Variants in ARHGEF17 observed in about 807,000 individuals in gnomAD.
The protein encoded by ARHGEF17 is Rho guanine nucleotide exchange factor 17.
Under a neutral mutation model 174.0 loss-of-function variants are expected in ARHGEF17, and 80 were observed. The ratio of observed to expected loss-of-function variants is 0.46; its 90% CI spans 0.38 to 0.55. The LOEUF is 0.55. ARHGEF17 is among the 20% of genes least tolerant of loss of function. ARHGEF17 has a pLI of 0.00. For synonymous variants in ARHGEF17, 1,311 were observed against 1,189.1 expected, an observed-to-expected ratio of 1.10 and a Z score of -2.11; for missense variants, 2,886 against 2,839.7, an observed-to-expected ratio of 1.02 and a Z score of -0.37.
chr11:73,325,878 C>T (rs73542431), intron 1 of ARHGEF17, among the ~76,000 whole-genome samples: 7,267 of 152,322 alleles, frequency 0.048, 603 homozygotes, highest in African/African-American at 0.17. Context: ...GGGAGCAGAC[C>T]TTGCTCCCAT....
intron 1 of ARHGEF17, among the ~76,000 whole-genome samples, chr11:73,331,923 G>A (rs1349681938): frequency 2.0e-5 from 3 of 152,176 alleles, no homozygotes; most frequent in Non-Finnish European, 4.4e-5. Context: ...AGAGACTGAG[G>A]GGTCCAGCCC....
chr11:73,310,398 TCCAGGA>T lies in ARHGEF17; in HGVS notation c.1764_1769del (p.Asp589_Gln590del). On this transcript the variant is annotated inframe_deletion, in exon 1 of 21. Transcript: ENST00000263674. Reference sequence around the variant, plus strand: ...GAGGAGGATCCGCTGCCCCTCATCGTCCAGGACCAATATGTGCAGGAGGCCCGCCAG... The same window carrying T: ...GAGGAGGATCCGCTGCCCCTCATCGTCCAATATGTGCAGGAGGCCCGCCAG... 6.2e-7 allele frequency: 1 copy of T among 1,613,946 alleles called. No homozygotes were observed. The highest frequency in any genetic ancestry group is 1.1e-5 in the South Asian group (1 of 91,078).
chr11:73,335,584 T>A (rs1865273970), intron 1 of ARHGEF17, among the ~76,000 whole-genome samples: 1 of 151,494 alleles, frequency 6.6e-6, no homozygotes, highest in African/African-American at 2.4e-5. Context: ...AACCCACCAG[T>A]TAAATTCAAA....
intron 6 of ARHGEF17, 83 bp from the exon 7 acceptor site, chr11:73,356,626 G>A (rs1468177823): frequency 1.3e-5 from 20 of 1,565,000 alleles, no homozygotes; most frequent in Non-Finnish European, 1.7e-5. Flanking sequence ...CCATGGAGTG[G>A]GGCCGAGGGA....
At position 73,309,139 on chromosome 11, in the gene ARHGEF17, G is replaced by A. The variant is rs746750176; in HGVS notation, c.501G>A (p.Gln167=). ...AGCCTCCGGCTCGGGAGTCGCGGCA[G>A]CCACCGACGCCACCCCCTCGGACAT... ...AWEPPARESR[Q]PPTPPPRTCF... is the part of the protein sequence containing the mutation. The change falls in exon 1 of 21, where the codon CAG becomes CAA. Residue 167 remains glutamine, a synonymous_variant. Transcript: ENST00000263674. 27 of 1,578,126 alleles carry A rather than the reference G, an allele frequency of 1.7e-5. No individual in the cohort carries two copies. In the African/African-American group the frequency reaches 2.6e-4, roughly 15 times the overall value.
At chr11:73,338,324 C>G (rs1376159545) in intron 1 of ARHGEF17, among the ~76,000 whole-genome samples, 1 of 152,242 alleles carries the variant, frequency 6.6e-6, no homozygotes, top group Non-Finnish European at 1.5e-5. Context: ...ATTGAGCTTT[C>G]TGGCTCCAGG....
In ARHGEF17 at chr11:73,360,487, C is replaced by G. The variant is rs145616789; in HGVS notation, c.4374C>G (p.Ala1458=). The G allele has an allele frequency of 2.5e-4, 410 of 1,613,922 alleles. No homozygotes were observed. Among genetic ancestry groups the G allele is most frequent in the Admixed American group, 1.2e-3 (70 of 60,014 alleles). ...SYIFEFPHPD[A]RLGFEQAFDE... ...TTTTTGAGTTCCCTCACCCTGACGC[C>G]CGCCTTGGTTTTGAACAGGCCTTCG... The change falls in exon 11 of 21, where the codon GCC becomes GCG. Residue 1458 remains alanine (A), a synonymous_variant. Coordinates refer to ENST00000263674, the MANE Select transcript of ARHGEF17 (RefSeq NM_014786.4).
At chr11:73,349,737 C>G (rs1389732524) in intron 2 of ARHGEF17, among the ~76,000 whole-genome samples, 1 of 152,240 alleles carries the variant, frequency 6.6e-6, no homozygotes, top group Non-Finnish European at 1.5e-5. Context: ...CTTTCTACCT[C>G]CGCCAAATCT....
chr11:73,337,162 G>T (rs927397501), intron 1 of ARHGEF17, among the ~76,000 whole-genome samples: 2 of 152,158 alleles, frequency 1.3e-5, no homozygotes, highest in South Asian at 4.1e-4. Context: ...GCAGTGGCTC[G>T]CGCCTATAAT....
chr11:73,308,525 A>T lies in ARHGEF17; in HGVS notation c.-114A>T. On this transcript the variant is annotated 5_prime_UTR_variant, in exon 1 of 21. Coordinates refer to ENST00000263674, the MANE Select transcript of ARHGEF17 (RefSeq NM_014786.4). ...GCTCCGGTCTCTGCGTCCTCTTCCC[A>T]CACTCCCGTGCGCTGCTTTCGGCGT... 1 of 954,020 alleles carries T rather than the reference A, an allele frequency of 1.0e-6. No homozygotes were observed. Among genetic ancestry groups the T allele is most frequent in the Non-Finnish European group, 1.4e-6 (1 of 704,462 alleles). 59.1% of individuals were successfully genotyped at this position (954,020 alleles called of 1,614,324 possible).
chr11:73,337,930 G>A (rs1865312018), intron 1 of ARHGEF17, among the ~76,000 whole-genome samples: 1 of 152,088 alleles, frequency 6.6e-6, no homozygotes, highest in Non-Finnish European at 1.5e-5. Context: ...ACCTAAGCAG[G>A]GCACTGTCCC....
intron 1 of ARHGEF17, among the ~76,000 whole-genome samples, chr11:73,319,020 C>T (rs1222609614): frequency 6.6e-6 from 1 of 152,194 alleles, no homozygotes; most frequent in Non-Finnish European, 1.5e-5. Context: ...CCATCTTCCC[C>T]AGCATCTTCA....
Position 73,309,241 on chromosome 11 carries a change from G to A in ARHGEF17, c.603G>A (p.Gln201=). The change falls in exon 1 of 21, where the codon CAG becomes CAA. Residue 201 remains glutamine, a synonymous_variant. Transcript: ENST00000263674. ...PETEGRLRRP[Q]QQQERAQRPA... The stretch of plus-strand genomic sequence containing the variant: ...CCGAAGGGAGGCTGCGCCGGCCGCA[G>A]CAGCAACAGGAGCGGGCGCAGCGTC... 6.2e-7 allele frequency: 1 copy of A among 1,605,150 alleles called. No individual in the cohort carries two copies. Among genetic ancestry groups the A allele is most frequent in the Non-Finnish European group, 8.5e-7 (1 of 1,176,034 alleles).
chr11:73,343,380 G>A (rs1232774935), intron 1 of ARHGEF17: 3 of 388,550 alleles, frequency 7.7e-6, no homozygotes, highest in Non-Finnish European at 9.1e-6. Context: ...GAGGCATGGG[G>A]CGCAGGGACT....
At chr11:73,349,826 G>C in intron 2 of ARHGEF17, among the ~76,000 whole-genome samples, 1 of 152,284 alleles carries the variant, frequency 6.6e-6, no homozygotes, top group Middle Eastern at 3.4e-3. Context: ...GGGTGAGCAA[G>C]GTGGAGGTGG....
intron 20 of ARHGEF17, among the ~76,000 whole-genome samples, chr11:73,366,415 T>C (rs1360933889): frequency 1.3e-5 from 2 of 151,626 alleles, no homozygotes; most frequent in Non-Finnish European, 2.9e-5. Context: ...GCACAGAAAA[T>C]GGACTGATAA....
chr11:73,354,080 T>G (rs557074040), intron 3 of ARHGEF17, among the ~76,000 whole-genome samples: 33 of 152,244 alleles, frequency 2.2e-4, no homozygotes, highest in African/African-American at 7.7e-4. Context: ...GTGGGATGTA[T>G]GTTTCAATAT....
Position 73,310,406 on chromosome 11 carries a change from C to T in ARHGEF17, c.1768C>T (p.Gln590Ter). 5 of 1,614,010 alleles carry T rather than the reference C, an allele frequency of 3.1e-6. No individual in the cohort carries two copies. The highest frequency in any genetic ancestry group is 1.7e-6 in the Non-Finnish European group (2 of 1,180,028). Residue 590 changes from glutamine (Q) to a stop codon, truncating the protein, a stop_gained, in exon 1 of 21, where the codon CAA (glutamine) becomes TAA (stop). Coordinates refer to ENST00000263674, the MANE Select transcript of ARHGEF17 (RefSeq NM_014786.4). LOFTEE classifies it high-confidence loss of function. ...EDPLPLIVQD[Q>*]YVQEARQVFE... ...TCCGCTGCCCCTCATCGTCCAGGAC[C>T]AATATGTGCAGGAGGCCCGCCAGGT...
chr11:73,336,703 C>T (rs1707732223), intron 1 of ARHGEF17, among the ~76,000 whole-genome samples: 1 of 152,248 alleles, frequency 6.6e-6, no homozygotes, highest in Admixed American at 6.5e-5. Flanking sequence ...CCACTCACTG[C>T]CTGTGTGACC....
Sources: gnomAD v4.1 joint callset for allele counts (sites outside exome capture counted in the v4.1 genomes callset) on GRCh38, gnomAD v4.1.1 for gene constraint, MANE v1.5 for transcripts, NCBI Gene and HGNC (gene_info 2026-07-23, HGNC 2026-07-21) for gene names.